SOS1: variants seen among roughly 807,000 people sequenced by gnomAD.
The protein encoded by SOS1 is son of sevenless homolog 1.
Under a neutral mutation model 157.6 loss-of-function variants are expected in SOS1, and 25 were observed. That is an observed-to-expected ratio of 0.16 (90% CI 0.12 to 0.22). SOS1 has a LOEUF of 0.22. Ranked by LOEUF, SOS1 falls within the 10% of genes least tolerant of loss-of-function variation. The pLI is 1.00. For synonymous variants in SOS1, 528 were observed against 534.0 expected (o/e 0.99, Z 0.16); for missense variants, 1,237 against 1,599.1 (o/e 0.77, Z 3.86).
chr2:38,991,315 C>T (rs1447143496), intron 20 of SOS1, among the ~76,000 whole-genome samples: 1 of 152,100 alleles, frequency 6.6e-6, no homozygotes, highest in African/African-American at 2.4e-5. Context: ...TCATCACCTA[C>T]AGCAATCTTC....
intron 1 of SOS1, among the ~76,000 whole-genome samples, chr2:39,113,209 G>A (rs761965752): frequency 6.6e-6 from 1 of 152,022 alleles, no homozygotes; most frequent in Non-Finnish European, 1.5e-5. Context: ...AATGTATTTA[G>A]AGACACAGTC....
intron 8 of SOS1, among the ~76,000 whole-genome samples, chr2:39,029,596 C>T (rs1670086139): frequency 6.6e-6 from 1 of 152,076 alleles, no homozygotes; most frequent in Non-Finnish European, 1.5e-5. Context: ...TGCACTCCAG[C>T]CTGGGTGACA....
At chr2:39,052,289 T>C (rs553038615) in intron 5 of SOS1, among the ~76,000 whole-genome samples, 1 of 152,210 alleles carries the variant, frequency 6.6e-6, no homozygotes, top group African/African-American at 2.4e-5. Context: ...GATTTTTTTA[T>C]CAGTGACTAT....
chr2:39,014,842 G>C lies in SOS1; in HGVS notation c.1863C>G (p.Pro621=). 6.3e-7 allele frequency: 1 copy of C among 1,576,666 alleles called. No individual in the cohort carries two copies. Among genetic ancestry groups the C allele is most frequent in the Non-Finnish European group, 8.7e-7 (1 of 1,146,718 alleles). The change falls in exon 11 of 23, where the codon CCC becomes CCG. Residue 621 remains proline, a synonymous_variant. Transcript: ENST00000402219. The stretch of plus-strand genomic sequence containing the variant: ...TTGTAAGAAATGTCCGAACAAAATT[G>C]GGATCTAAGAAGAAAAAGGAAAAAT... ...ERLTYHMYAD[P]NFVRTFLTTY...
chr2:39,040,378 G>A (rs991025563), intron 6 of SOS1, among the ~76,000 whole-genome samples: 6 of 151,936 alleles, frequency 3.9e-5, no homozygotes, highest in African/African-American at 1.2e-4. Flanking sequence ...CCATTTTTAC[G>A]TGTACAATTA....
chr2:39,012,893 A>G (rs1669510292), intron 13 of SOS1, among the ~76,000 whole-genome samples: 1 of 152,168 alleles, frequency 6.6e-6, no homozygotes, highest in African/African-American at 2.4e-5. Context: ...TACAAAGGAA[A>G]TAAAAATAAG....
chr2:38,996,334 C>T (rs1668890300), intron 19 of SOS1, among the ~76,000 whole-genome samples: 1 of 152,206 alleles, frequency 6.6e-6, no homozygotes, highest in Admixed American at 6.5e-5. Context: ...AGATGATCCA[C>T]CCGCCTCAGC....
chr2:39,013,583 T>G lies in SOS1; in HGVS notation c.2064-20A>C, dbSNP rs756707478. ...AATACTCTATGGCATTAACACAGAA[T>G]TGAATTACATGGGAATCAAACATAA... is the stretch of plus-strand genomic sequence containing the variant. On this transcript the variant is annotated intron_variant, in intron 12 of 22. Transcript: ENST00000402219. 2 of 1,405,952 alleles carry G rather than the reference T, an allele frequency of 1.4e-6. No homozygotes were observed. The highest frequency in any genetic ancestry group is 2.3e-5 in the South Asian group (2 of 86,960). The allele number at this position is 1,405,952 out of a possible 1,614,324, so 87.1% of individuals were successfully genotyped here. A position where few individuals can be genotyped will look rare whatever the true frequency, so the allele number is the denominator to read the frequency against.
chr2:39,102,950 G>T (rs1673027045), intron 1 of SOS1, among the ~76,000 whole-genome samples: 1 of 151,798 alleles, frequency 6.6e-6, no homozygotes, highest in South Asian at 2.1e-4. Context: ...GCGAGACCCT[G>T]TCTCAAAAAA....
upstream of SOS1, among the ~76,000 whole-genome samples, chr2:39,121,611 C>G (rs1410727082): frequency 6.6e-6 from 1 of 152,240 alleles, no homozygotes; most frequent in Admixed American, 6.5e-5. Flanking sequence ...CCAGTAAGCA[C>G]TTTCCTCCAG....
At chr2:39,091,844 CCTT>C (rs1357846689) in intron 1 of SOS1, among the ~76,000 whole-genome samples, 3 of 152,276 alleles carry the variant, frequency 2.0e-5, no homozygotes, top group African/African-American at 7.2e-5. Context: ...TCTTGCCACT[CCTT>C]CTTCATTTAA....
In SOS1 at chr2:39,075,908, A is replaced by C. The variant is rs556148724; in HGVS notation, c.88-8155T>G. Among the ~76,000 whole-genome samples, 3 of 152,308 alleles carry C rather than the reference A, an allele frequency of 2.0e-5. No homozygotes were observed. The South Asian group carries it at 6.2e-4, about 32-fold the overall frequency. ...ATCAAAACTGACTCAAAAAGAAATAAAACATTTCTAATGGTTTTCTAATCA... is the reference window on the plus strand; with the variant it reads ...ATCAAAACTGACTCAAAAAGAAATACAACATTTCTAATGGTTTTCTAATCA... On this transcript the variant is annotated intron_variant, in intron 1 of 22. Coordinates refer to ENST00000402219, the MANE Select transcript of SOS1 (RefSeq NM_005633.4).
At chr2:38,992,148 G>A (rs1326359780) in intron 20 of SOS1, 2 of 152,164 alleles carry the variant, frequency 1.3e-5, no homozygotes, top group Admixed American at 6.5e-5. Context: ...TAGCAAGTTG[G>A]AGGCTCTGGG....
intron 1 of SOS1, among the ~76,000 whole-genome samples, chr2:39,086,832 A>G (rs1469938047): frequency 1.3e-5 from 2 of 151,156 alleles, no homozygotes; most frequent in Non-Finnish European, 2.9e-5. Context: ...TTTTTTTTTG[A>G]GACGGAGTCT....
intron 9 of SOS1, 104 bp from the exon 10 acceptor site, chr2:39,023,329 G>A: frequency 1.3e-6 from 1 of 797,880 alleles, no homozygotes; most frequent in Non-Finnish European, 2.0e-6. Flanking sequence ...GTCTCACTGA[G>A]AAGGTATTCA....
chr2:39,014,877 A>C (rs1669581827), intron 10 of SOS1, 31 bp from the exon 11 acceptor site: 1 of 1,097,888 alleles, frequency 9.1e-7, no homozygotes, highest in Non-Finnish European at 1.4e-6. Flanking sequence ...TATCTTATTA[A>C]ACTCTATGAT....
chr2:39,080,413 G>A (rs1157478469), intron 1 of SOS1, among the ~76,000 whole-genome samples: 4 of 152,278 alleles, frequency 2.6e-5, no homozygotes, highest in African/African-American at 9.6e-5. Context: ...TGTGCGGCCT[G>A]GTTCCTAACA....
At chr2:38,996,306 T>C (rs931408176) in intron 19 of SOS1, among the ~76,000 whole-genome samples, 2 of 152,162 alleles carry the variant, frequency 1.3e-5, no homozygotes, top group Non-Finnish European at 2.9e-5. Flanking sequence ...GCCAGGCTGG[T>C]CTCAAACTCC....
chr2:39,078,373 G>T (rs1052487792), intron 1 of SOS1, among the ~76,000 whole-genome samples: 2 of 152,138 alleles, frequency 1.3e-5, no homozygotes, highest in African/African-American at 4.8e-5. Context: ...TAACAATTTG[G>T]ATTAAAGTTT....
Sources: gnomAD v4.1 joint callset for allele counts (sites outside exome capture counted in the v4.1 genomes callset) on GRCh38, gnomAD v4.1.1 for gene constraint, MANE v1.5 for transcripts, NCBI Gene and HGNC (gene_info 2026-07-23, HGNC 2026-07-21) for gene names.